Variants in XIRP2 observed in about 807,000 individuals in gnomAD.
The protein encoded by XIRP2 is xin actin binding repeat containing 2, also known as xin actin-binding repeat-containing protein 2.
XIRP2 carries 236 observed loss-of-function variants against 277.0 expected under a neutral mutation model. The ratio of observed to expected loss-of-function variants is 0.85; its 90% CI spans 0.77 to 0.95. The LOEUF is 0.95. XIRP2 is among the 40% of genes least tolerant of loss of function. The pLI is 0.00. For missense variants in XIRP2, 4,640 were observed against 4,157.5 expected, an observed-to-expected ratio of 1.12 and a Z score of -3.19; for synonymous variants, 1,490 against 1,416.5, an observed-to-expected ratio of 1.05 and a Z score of -1.17.
rs1453494138 is a variant in XIRP2 at position 167,244,362 on chromosome 2, C to G, written c.2970C>G (p.Ala990=). Residue 990 remains alanine, a synonymous_variant, in exon 9 of 11, where the codon GCC becomes GCG. Coordinates refer to ENST00000409195, the MANE Select transcript of XIRP2 (RefSeq NM_152381.6). ...TCTTCGAGACAACACCACTGTATGCCATTCAAGATCCCCTTGGAAAATATC... is the reference window on the plus strand; with the variant it reads ...TCTTCGAGACAACACCACTGTATGCGATTCAAGATCCCCTTGGAAAATATC... ...KSLFETTPLY[A]IQDPLGKYHQ... is the part of the protein sequence containing the mutation. 2 of 1,613,414 alleles carry G rather than the reference C, an allele frequency of 1.2e-6. No homozygotes were observed. The highest frequency in any genetic ancestry group is 2.2e-5 in the South Asian group (2 of 90,966).
chr2:166,917,350 C>T (rs531000593), intron 2 of XIRP2, among the ~76,000 whole-genome samples: 9 of 152,148 alleles, frequency 5.9e-5, no homozygotes, highest in South Asian at 2.1e-4. Context: ...AAGAATACCG[C>T]GAGGATGGGC....
intron 5 of XIRP2, among the ~76,000 whole-genome samples, chr2:167,234,509 A>G (rs1409936977): frequency 1.3e-5 from 2 of 151,602 alleles, no homozygotes; most frequent in Non-Finnish European, 3.0e-5. Flanking sequence ...TTCAATAACT[A>G]TTGTTTGAAT....
chr2:167,229,594 G>T (rs1694697032), intron 5 of XIRP2, among the ~76,000 whole-genome samples: 1 of 152,020 alleles, frequency 6.6e-6, no homozygotes, highest in Admixed American at 6.6e-5. Flanking sequence ...AGCTCTTTCT[G>T]CTTCTTCTGG....
chr2:166,907,497 G>C lies in XIRP2; in HGVS notation c.408+3607G>C, dbSNP rs867109212. ...GATGTCACTCATGTGTCTATGGTCA[G>C]CTGCAAAGTCAGCGGGAATCTGGCT... On this transcript the variant is annotated intron_variant, in intron 2 of 10. Transcript: ENST00000409195. Among the ~76,000 whole-genome samples, 5 of 152,270 alleles carry C rather than the reference G, an allele frequency of 3.3e-5. No individual in the cohort carries two copies. In the South Asian group the frequency reaches 8.3e-4, roughly 25 times the overall value.
chr2:167,250,983 C>G lies in XIRP2; in HGVS notation c.9591C>G (p.Ile3197Met). Residue 3197 changes from isoleucine (I) to methionine (M), a missense_variant, in exon 9 of 11, where the codon ATC (isoleucine) becomes ATG (methionine). Coordinates refer to ENST00000409195, the MANE Select transcript of XIRP2 (RefSeq NM_152381.6). Reference sequence around the variant, plus strand: ...CTGCAAAGTTATCCAAAGGGGCCATCCCATGTCCAGCAGCAACCCCGGTTC... The same window carrying G: ...CTGCAAAGTTATCCAAAGGGGCCATGCCATGTCCAGCAGCAACCCCGGTTC... Reference protein sequence around the residue: ...DTTAKLSKGAIPCPAATPVPI... With the variant: ...DTTAKLSKGAMPCPAATPVPI... 1 of 1,613,660 alleles carries G rather than the reference C, an allele frequency of 6.2e-7. No individual in the cohort carries two copies. Among genetic ancestry groups the G allele is most frequent in the African/African-American group, 1.3e-5 (1 of 74,962 alleles).
At chr2:167,111,589 A>G (rs1478640593) in intron 2 of XIRP2, among the ~76,000 whole-genome samples, 1 of 152,018 alleles carries the variant, frequency 6.6e-6, no homozygotes, top group Non-Finnish European at 1.5e-5. Flanking sequence ...TATTTTGCTG[A>G]CTTTTACATC....
At chr2:166,916,326 ACTT>A (rs1684878244) in intron 2 of XIRP2, among the ~76,000 whole-genome samples, 1 of 152,174 alleles carries the variant, frequency 6.6e-6, no homozygotes, top group African/African-American at 2.4e-5. Context: ...AGCAAGCAGT[ACTT>A]CTTCTCAGGC....
intron 3 of XIRP2, among the ~76,000 whole-genome samples, chr2:167,136,505 T>G (rs16853002): frequency 0.014 from 2,133 of 152,290 alleles, 55 homozygotes; most frequent in African/African-American, 0.049. Context: ...TAAACTAAAC[T>G]TGCATAATGA....
chr2:167,026,834 G>T (rs1389428206), intron 2 of XIRP2, among the ~76,000 whole-genome samples: 2 of 151,864 alleles, frequency 1.3e-5, no homozygotes, highest in Non-Finnish European at 2.9e-5. Flanking sequence ...TTGAATGTTG[G>T]CCCCCACTCT....
At chr2:166,956,066 T>A (rs1686153278) in intron 2 of XIRP2, among the ~76,000 whole-genome samples, 1 of 151,868 alleles carries the variant, frequency 6.6e-6, no homozygotes, top group Admixed American at 6.6e-5. Context: ...TCTCTTTTCA[T>A]CTTTCTTGGT....
chr2:167,012,400 A>T (rs1003947653), intron 2 of XIRP2, among the ~76,000 whole-genome samples: 2 of 151,768 alleles, frequency 1.3e-5, no homozygotes, highest in African/African-American at 4.8e-5. Context: ...ATCAGACTAG[A>T]TTTCTGTCCT....
chr2:167,040,937 A>G (rs529395526), intron 2 of XIRP2, among the ~76,000 whole-genome samples: 1 of 152,316 alleles, frequency 6.6e-6, no homozygotes, highest in East Asian at 1.9e-4. Flanking sequence ...CACGCTGTCC[A>G]TGCCCACACA....
In XIRP2 at chr2:167,249,411, C is replaced by T. The variant is rs372125508; in HGVS notation, c.8019C>T (p.Cys2673=). Residue 2673 remains cysteine, a synonymous_variant, in exon 9 of 11, where the codon TGC becomes TGT. Transcript: ENST00000409195. ...ACATTATGCAATCCAAATCAGCTTGCGAAATTAAACAAAGTCACCAAGAAT... is the reference window on the plus strand; with the variant it reads ...ACATTATGCAATCCAAATCAGCTTGTGAAATTAAACAAAGTCACCAAGAAT... ...SRDIMQSKSA[C]EIKQSHQECS... 45 of 1,613,544 alleles carry T rather than the reference C, an allele frequency of 2.8e-5. No individual in the cohort carries two copies. The highest frequency in any genetic ancestry group is 1.2e-4 in the African/African-American group (9 of 74,854).
chr2:166,892,093 C>G (rs1177186617), intron 1 of XIRP2, among the ~76,000 whole-genome samples: 1 of 152,092 alleles, frequency 6.6e-6, no homozygotes, highest in Non-Finnish European at 1.5e-5. Flanking sequence ...AAAATATTTT[C>G]CCCCTTCAGA....
chr2:167,081,208 A>G (rs531442286), intron 2 of XIRP2, among the ~76,000 whole-genome samples: 12 of 152,284 alleles, frequency 7.9e-5, no homozygotes, highest in Non-Finnish European at 1.2e-4. Flanking sequence ...TCTCATGCCT[A>G]TAATCCCAGC....
intron 2 of XIRP2, among the ~76,000 whole-genome samples, chr2:167,115,294 T>A (rs931471054): frequency 6.6e-6 from 1 of 152,222 alleles, no homozygotes; most frequent in Admixed American, 6.5e-5. Context: ...GGATTGGGTT[T>A]TGATGAATGT....
chr2:167,215,976 C>G (rs113787518), intron 4 of XIRP2, among the ~76,000 whole-genome samples: 6 of 151,542 alleles, frequency 4.0e-5, no homozygotes, highest in East Asian at 1.9e-4. Flanking sequence ...GAAATAACGC[C>G]GCATACCTAC....
Position 166,947,249 on chromosome 2 carries a change from C to G in XIRP2, c.408+43359C>G, listed in dbSNP as rs76204796. ...TTATAGTACCTTTACAACAGGAGTT[C>G]AAAACCTGGGATACATGGGTAGCAT... is the stretch of plus-strand genomic sequence containing the variant. On this transcript the variant is annotated intron_variant, in intron 2 of 10. Transcript: ENST00000409195. 2.7e-3 allele frequency among the ~76,000 whole-genome samples: 410 copies of G among 152,254 alleles called. 2 individuals carry two copies. Among genetic ancestry groups the G allele is most frequent in the African/African-American group, 8.3e-3 (346 of 41,562 alleles).
At chr2:166,933,295 C>T (rs1685401456) in intron 2 of XIRP2, among the ~76,000 whole-genome samples, 1 of 151,628 alleles carries the variant, frequency 6.6e-6, no homozygotes, top group Non-Finnish European at 1.5e-5. Flanking sequence ...ACTACAGGGG[C>T]CCACCACCAT....
Sources: allele counts gnomAD v4.1 joint callset (sites outside exome capture counted in the v4.1 genomes callset), GRCh38; gene constraint gnomAD v4.1.1; transcripts MANE v1.5; gene names NCBI Gene and HGNC (gene_info 2026-07-23, HGNC 2026-07-21).